The following RARB variants were observed in gnomAD, a reference collection of about 807,000 sequenced individuals.
The protein encoded by RARB is retinoic acid receptor beta, also known as HBV-activated protein.
RARB carries 17 observed loss-of-function variants against 51.9 expected under a neutral mutation model. The ratio of observed to expected loss-of-function variants is 0.33; its 90% confidence interval spans 0.22 to 0.49. The LOEUF is 0.49. RARB is among the 20% of genes least tolerant of loss of function. The pLI, the probability that RARB is intolerant of heterozygous loss-of-function variation, is 0.99. For synonymous variants in RARB, 215 were observed against 195.4 expected (o/e 1.10, Z -0.84); for missense variants, 369 against 550.8 (o/e 0.67, Z 3.30).
intron 5 of RARB, among the ~76,000 whole-genome samples, chr3:25,183,364 T>C (rs567406694): frequency 2.4e-4 from 37 of 152,286 alleles, no homozygotes; most frequent in Non-Finnish European, 4.4e-4. Context: ...TTTTTCAGAA[T>C]GAATTTCTTT....
At chr3:25,072,935 T>C (rs1316566444) in intron 3 of RARB, among the ~76,000 whole-genome samples, 1 of 152,076 alleles carries the variant, frequency 6.6e-6, no homozygotes, top group Non-Finnish European at 1.5e-5. Flanking sequence ...CCTGACCTGA[T>C]GATCCACCCA....
At chr3:25,134,771 A>C (rs896280802) in intron 4 of RARB, among the ~76,000 whole-genome samples, 1 of 151,982 alleles carries the variant, frequency 6.6e-6, no homozygotes, top group Non-Finnish European at 1.5e-5. Flanking sequence ...CTCAGTTACC[A>C]TGTTCATTAT....
chr3:24,892,214 C>T (rs1408268167), intron 2 of RARB, among the ~76,000 whole-genome samples: 1 of 125,006 alleles, frequency 8.0e-6, no homozygotes, highest in Non-Finnish European at 1.8e-5. Flanking sequence ...CTTGAATGCC[C>T]TCTTAGAAAA....
chr3:24,951,749 G>T (rs911622054), intron 2 of RARB, among the ~76,000 whole-genome samples: 1 of 152,170 alleles, frequency 6.6e-6, no homozygotes, highest in Non-Finnish European at 1.5e-5. Flanking sequence ...CACAAGATGC[G>T]AGAGGAGAGA....
intron 5 of RARB, among the ~76,000 whole-genome samples, chr3:25,278,990 G>A (rs886760572): frequency 6.6e-6 from 1 of 152,176 alleles, no homozygotes. Context: ...GTGCAGCAGT[G>A]GGGATTTGCA....
chr3:25,185,900 G>C (rs1700963392), intron 5 of RARB, among the ~76,000 whole-genome samples: 1 of 152,066 alleles, frequency 6.6e-6, no homozygotes, highest in Admixed American at 6.6e-5. Context: ...TATATAAATT[G>C]CTGCAAAGGC....
chr3:25,066,600 C>G (rs1278984368), intron 3 of RARB, among the ~76,000 whole-genome samples: 1 of 140,128 alleles, frequency 7.1e-6, no homozygotes, highest in African/African-American at 3.1e-5. Context: ...CACACGCACA[C>G]ATAAACACAC....
At chr3:25,542,284 TA>T (rs1227944491) in intron 3 of RARB, among the ~76,000 whole-genome samples, 1 of 152,218 alleles carries the variant, frequency 6.6e-6, no homozygotes, top group African/African-American at 2.4e-5. Context: ...CAATAAAGTA[TA>T]CAAAAAATCT....
At chr3:24,870,818 G>A (rs73823008) in intron 2 of RARB, among the ~76,000 whole-genome samples, 1,539 of 152,136 alleles carry the variant, frequency 0.01, 25 homozygotes, top group African/African-American at 0.031. Flanking sequence ...CATACAATGT[G>A]TGATAATCAC....
chr3:25,260,090 G>T, intron 5 of RARB: 2 of 726,850 alleles, frequency 2.8e-6, no homozygotes, highest in Non-Finnish European at 3.4e-6. Flanking sequence ...GCCCAGATGA[G>T]TTTCAGCTTT....
chr3:25,322,396 G>A (rs957348827), intron 5 of RARB, among the ~76,000 whole-genome samples: 2 of 152,136 alleles, frequency 1.3e-5, no homozygotes, highest in African/African-American at 2.4e-5. Flanking sequence ...GACATGAAAT[G>A]CAAGAGCTAG....
chr3:24,953,397 G>A (rs1695940795), intron 2 of RARB, among the ~76,000 whole-genome samples: 1 of 152,252 alleles, frequency 6.6e-6, no homozygotes. Flanking sequence ...AAACATCTTG[G>A]TTAGAATTGC....
chr3:25,186,895 G>GTA (rs1575204915), intron 5 of RARB, among the ~76,000 whole-genome samples: 1 of 140,002 alleles, frequency 7.1e-6, no homozygotes, highest in African/African-American at 2.6e-5. Context: ...CTGTGTGTGT[G>GTA]TGTGTGTGTG....
intron 5 of RARB, among the ~76,000 whole-genome samples, chr3:25,318,681 T>C (rs1704488302): frequency 6.6e-6 from 1 of 152,190 alleles, no homozygotes; most frequent in Non-Finnish European, 1.5e-5. Flanking sequence ...GGAGCAAATG[T>C]AGAATTCTTT....
rs1444955806 is a variant in RARB at position 25,535,308 on chromosome 3, T to C, written c.448+33985T>C. Among the ~76,000 whole-genome samples the C allele has an allele frequency of 2.0e-5, 3 of 152,138 alleles. No homozygotes were observed. The East Asian group carries it at 5.8e-4, about 29-fold the overall frequency. ...TTGGAGTGATGTCAGGGCAGTATTG[T>C]CTGGTGTTTAGGGACACAACCTAGC... On this transcript the variant is annotated intron_variant, in intron 3 of 7. Coordinates refer to ENST00000330688, the MANE Select transcript of RARB (RefSeq NM_000965.5).
At chr3:25,182,758 G>C (rs1490384510) in intron 5 of RARB, among the ~76,000 whole-genome samples, 1 of 152,176 alleles carries the variant, frequency 6.6e-6, no homozygotes, top group Non-Finnish European at 1.5e-5. Context: ...CCTCTAAAGA[G>C]ATGTTGAAGC....
intron 5 of RARB, among the ~76,000 whole-genome samples, chr3:25,319,733 A>G (rs1298205828): frequency 6.6e-6 from 1 of 152,150 alleles, no homozygotes; most frequent in African/African-American, 2.4e-5. Context: ...GATGAAACGA[A>G]CCCTGCATTT....
At chr3:25,459,958 A>G (rs1454735465) in intron 1 of RARB, among the ~76,000 whole-genome samples, 1 of 152,162 alleles carries the variant, frequency 6.6e-6, no homozygotes, top group African/African-American at 2.4e-5. Flanking sequence ...TCTGAGTACA[A>G]TCCTGGAGAA....
chr3:24,934,913 G>T (rs1235041492), intron 2 of RARB, among the ~76,000 whole-genome samples: 1 of 152,070 alleles, frequency 6.6e-6, no homozygotes, highest in East Asian at 1.9e-4. Context: ...TGGTATTTTG[G>T]AGTACCAAAT....
Sources: gnomAD v4.1 joint callset for allele counts (sites outside exome capture counted in the v4.1 genomes callset) on GRCh38, gnomAD v4.1.1 for gene constraint, MANE v1.5 for transcripts, NCBI Gene and HGNC (gene_info 2026-07-23, HGNC 2026-07-21) for gene names.